Variants in EPHB6 observed in about 807,000 individuals in gnomAD.
EPHB6 encodes EPH receptor B6.
In EPHB6, 51 loss-of-function variants were observed where a neutral mutation model predicts 107.0. The ratio of observed to expected loss-of-function variants is 0.48; its 90% CI spans 0.38 to 0.60. The LOEUF (loss-of-function observed/expected upper bound fraction) is 0.60, where lower values mean the gene tolerates loss of function less well. Among genes scored for constraint, EPHB6 ranks in the 20% least tolerant of loss-of-function variants. The probability of loss-of-function intolerance (pLI) is 0.00; values close to 1 mark genes in which losing one functional copy is unlikely to be tolerated. For synonymous variants in EPHB6, 553 were observed against 549.0 expected, an observed-to-expected ratio of 1.01 and a Z score of -0.10; for missense variants, 1,141 against 1,355.5, an observed-to-expected ratio of 0.84 and a Z score of 2.48.
intron 7 of EPHB6, 120 bp downstream of exon 7, chr7:142,864,869 A>G: frequency 8.1e-7 from 1 of 1,232,822 alleles, no homozygotes; most frequent in Admixed American, 2.0e-5. Context: ...AAGCCATCTT[A>G]GGAAAGGACC....
At chr7:142,856,940 C>T (rs1802638242) in intron 1 of EPHB6, among the ~76,000 whole-genome samples, 1 of 152,246 alleles carries the variant, frequency 6.6e-6, no homozygotes, top group African/African-American at 2.4e-5. Context: ...AGACACACAT[C>T]CTCAGGCACT....
intron 1 of EPHB6, among the ~76,000 whole-genome samples, chr7:142,858,549 C>A (rs1229110635): frequency 6.8e-6 from 1 of 146,864 alleles, no homozygotes; most frequent in Non-Finnish European, 1.5e-5. Flanking sequence ...CATTCTCCTG[C>A]CTCAGCCTCC....
chr7:142,869,827 G>T lies in EPHB6; in HGVS notation c.2471G>T (p.Cys824Phe), dbSNP rs747349344. Residue 824 changes from cysteine (C) to phenylalanine (F), a missense_variant, in exon 17 of 20, where the codon TGT (cysteine) becomes TTT (phenylalanine). By Grantham distance (205) the Cys-to-Phe change is radical (BLOSUM62 -2). This residue lies in a region of EPHB6 where 616 missense variants were observed against 759.3 expected (regional missense o/e 0.81). Coordinates refer to ENST00000652003, the MANE Select transcript of EPHB6 (RefSeq NM_004445.6). This position sits in a 1 kb window ranked among gnomAD's most constrained non-coding sequence, Gnocchi z 4.5. ...GACTTTACCCCTCAGGGCCCAAGTT[G>T]TTTGCTTCGCTGGGCAGCCCCAGAG... is the stretch of plus-strand genomic sequence containing the variant. ...RLGHSPQGPSCLLRWAAPEVI... is the reference protein window; with the variant it reads ...RLGHSPQGPSFLLRWAAPEVI... 4.3e-6 allele frequency: 7 copies of T among 1,614,220 alleles called. No individual in the cohort carries two copies. The highest frequency in any genetic ancestry group is 3.3e-5 in the Admixed American group (2 of 60,032).
At position 142,864,283 on chromosome 7, in the gene EPHB6, C is replaced by G. The variant is rs765672490; in HGVS notation, c.483C>G (p.Asp161Glu). The stretch of plus-strand genomic sequence containing the variant: ...CCAAGGTGGACACAATTGCAGCAGA[C>G]GAGAGCTTTCCCTCCTCCTCCTCCT... Reference protein sequence around the residue: ...RWTKVDTIAADESFPSSSSSS... With the variant: ...RWTKVDTIAAEESFPSSSSSS... Residue 161 changes from aspartate to glutamate, a missense_variant, in exon 7 of 20, where the codon GAC (aspartate) becomes GAG (glutamate). By Grantham distance (45) the Asp-to-Glu change is conservative. Around this residue, in one of 3 missense-constraint regions of EPHB6, gnomAD observed 221 missense variants for 300.5 expected, o/e 0.74. Transcript: ENST00000652003. The G allele has an allele frequency of 6.2e-7, 1 of 1,603,842 alleles. No homozygotes were observed. Among genetic ancestry groups the G allele is most frequent in the Non-Finnish European group, 8.5e-7 (1 of 1,176,962 alleles).
Position 142,865,498 on chromosome 7 carries a change from G to T in EPHB6, c.973G>T (p.Ala325Ser), listed in dbSNP as rs8177146. The change falls in exon 8 of 20, where the codon GCT becomes TCT. Residue 325 changes from alanine (A) to serine (S), a missense_variant. Coordinates refer to ENST00000652003, the MANE Select transcript of EPHB6 (RefSeq NM_004445.6). ...AGCCTGCCCACGGGGGCTCTATAAG[G>T]CTTCTGCTGGGAATGCTCCCTGCTC... ...CQACPRGLYK[A>S]SAGNAPCSPC... The T allele has an allele frequency of 0.98, 1,573,399 of 1,613,094 alleles. 768,026 individuals carry two copies. Among genetic ancestry groups the T allele is most frequent in the East Asian group, 0.99 (44,393 of 44,814 alleles).
chr7:142,868,519 G>A lies in EPHB6; in HGVS notation c.2066G>A (p.Arg689His), dbSNP rs573851514. 2.9e-5 allele frequency: 46 copies of A among 1,613,826 alleles called. 1 individual carries two copies. Among genetic ancestry groups the A allele is most frequent in the South Asian group, 2.7e-4 (25 of 91,086 alleles). Residue 689 changes from arginine to histidine, a missense_variant, in exon 15 of 20, where the codon CGC becomes CAC. Arg to His is a conservative substitution (Grantham distance 29). Transcript: ENST00000652003. The surrounding 1 kb of genome is among the most constrained non-coding windows in gnomAD (Gnocchi z 4.2). The stretch of plus-strand genomic sequence containing the variant: ...TCTTTTGGAGAAGTGCGCCAGGGCC[G>A]CCTGCAGCCACGGGGACGGAGGGAG... ...TGSFGEVRQG[R>H]LQPRGRREQT...
rs773167081 is a variant in EPHB6 at position 142,866,267 on chromosome 7, C to T, written c.1413C>T (p.Ser471=). 3 of 1,613,922 alleles carry T rather than the reference C, an allele frequency of 1.9e-6. No homozygotes were observed. Among genetic ancestry groups the T allele is most frequent in the African/African-American group, 2.7e-5 (2 of 74,888 alleles). ...CTGTTAATGGGGTGTCTGAGCTCAG[C>T]CCTGACCCTCCTCAGGCTGCAGCCA... ...VQAVNGVSEL[S]PDPPQAAAIN... is the part of the protein sequence containing the mutation. The change falls in exon 9 of 20, where the codon AGC becomes AGT. Residue 471 remains serine, a synonymous_variant. Transcript: ENST00000652003. The surrounding 1 kb of genome is among the most constrained non-coding windows in gnomAD (Gnocchi z 5.2).
chr7:142,868,212 C>A lies in EPHB6; in HGVS notation c.1919-29C>A, dbSNP rs748435282. On this transcript the variant is annotated intron_variant, in intron 13 of 19. Coordinates refer to ENST00000652003, the MANE Select transcript of EPHB6 (RefSeq NM_004445.6). This position sits in a 1 kb window ranked among gnomAD's most constrained non-coding sequence, Gnocchi z 4.2. ...GCGGGCAGCCCTGCCTTTCACAACA[C>A]GCTCATAACATACTCCACACCCCTC... 29 of 1,613,972 alleles carry A rather than the reference C, an allele frequency of 1.8e-5. 3 individuals are homozygous for A. In the South Asian group the frequency reaches 3.2e-4, roughly 18 times the overall value.
Position 142,866,134 on chromosome 7 carries a change from G to A in EPHB6, c.1280G>A (p.Arg427His), listed in dbSNP as rs373254931. ...PASGGGGTCH[R>H]CRDEVHFDPR... ...AGCGGTGGTGGGGGCACTTGTCACC[G>A]CTGCAGGGATGAGGTCCACTTCGAC... The change falls in exon 9 of 20, where the codon CGC becomes CAC. Residue 427 changes from arginine (R) to histidine (H), a missense_variant. Physicochemically the swap from Arg to His is conservative, Grantham distance 29. Coordinates refer to ENST00000652003, the MANE Select transcript of EPHB6 (RefSeq NM_004445.6). The surrounding 1 kb of genome is among the most constrained non-coding windows in gnomAD (Gnocchi z 5.2). 3.2e-5 allele frequency: 51 copies of A among 1,613,644 alleles called. No homozygotes were observed. Among genetic ancestry groups the A allele is most frequent in the South Asian group, 8.8e-5 (8 of 91,012 alleles).
chr7:142,855,677 T>C lies in EPHB6; in HGVS notation c.-432+292T>C, dbSNP rs965527328. ...CCAGACATTCTCCTCTGGCTCTGGC[T>C]TGGGAGTCCTAATCTGGGAGGGTCC... On this transcript the variant is annotated intron_variant, in intron 1 of 19. Coordinates refer to ENST00000652003, the MANE Select transcript of EPHB6 (RefSeq NM_004445.6). This position sits in a 1 kb window ranked among gnomAD's most constrained non-coding sequence, Gnocchi z 4.2. Among the ~76,000 whole-genome samples, 2 of 152,156 alleles carry C rather than the reference T, an allele frequency of 1.3e-5. No individual in the cohort carries two copies. Among genetic ancestry groups the C allele is most frequent in the Non-Finnish European group, 2.9e-5 (2 of 67,998 alleles).
chr7:142,866,481 T>G lies in EPHB6; in HGVS notation c.1463T>G (p.Val488Gly), dbSNP rs760298098. 6.2e-7 allele frequency: 1 copy of G among 1,614,146 alleles called. No homozygotes were observed. Among genetic ancestry groups the G allele is most frequent in the Non-Finnish European group, 8.5e-7 (1 of 1,180,018 alleles). ...TAATAATTTTCCTTTTGCACTCTAG[T>G]GCCCTCTGCTGTCCCTGTGGTGCAC... The part of the protein sequence containing the change: ...AAINVSTSHE[V>G]PSAVPVVHQV... Residue 488 changes from valine to glycine, a missense_variant and splice_region_variant, in exon 10 of 20, where the codon GTG (valine) becomes GGG (glycine). Val to Gly is a moderately radical substitution (Grantham distance 109). Transcript: ENST00000652003. The surrounding 1 kb of genome is among the most constrained non-coding windows in gnomAD (Gnocchi z 5.2).
rs1802820168 is a variant in EPHB6 at position 142,861,099 on chromosome 7, G to C, written c.-384G>C. The stretch of plus-strand genomic sequence containing the variant: ...CCAATTCACAGACTTCTGAGACTCA[G>C]ACACGAGGAGAGATAGAGAACCGCC... On this transcript the variant is annotated 5_prime_UTR_variant, in exon 2 of 20. Coordinates refer to ENST00000652003, the MANE Select transcript of EPHB6 (RefSeq NM_004445.6). The C allele has an allele frequency of 6.6e-6, 1 of 152,014 alleles. No individual in the cohort carries two copies. Among genetic ancestry groups the C allele is most frequent in the Non-Finnish European group, 1.5e-5 (1 of 68,022 alleles). 9.4% of individuals were successfully genotyped at this position (152,014 alleles called of 1,614,324 possible).
chr7:142,855,956 C>T lies in EPHB6; in HGVS notation c.-432+571C>T, dbSNP rs144455158. ...ATTCTATTGCGTGCTCCTGCCCCAGCTCCACCCTCGCTCTGCTCCCTCCAT... is the reference window on the plus strand; with the variant it reads ...ATTCTATTGCGTGCTCCTGCCCCAGTTCCACCCTCGCTCTGCTCCCTCCAT... On this transcript the variant is annotated intron_variant, in intron 1 of 19. Coordinates refer to ENST00000652003, the MANE Select transcript of EPHB6 (RefSeq NM_004445.6). This position sits in a 1 kb window ranked among gnomAD's most constrained non-coding sequence, Gnocchi z 4.2. 6.6e-6 allele frequency among the ~76,000 whole-genome samples: 1 copy of T among 152,354 alleles called. No individual in the cohort carries two copies. The highest frequency in any genetic ancestry group is 1.9e-4 in the East Asian group (1 of 5,176).
Position 142,867,973 on chromosome 7 carries a change from C to T in EPHB6, c.1866-24C>T. Reference sequence around the variant, plus strand: ...AGGGGGTGGAAATGGGAGCGTCATCCCCAGTCACCGTTTTGTTCCTCAGGA... The same window carrying T: ...AGGGGGTGGAAATGGGAGCGTCATCTCCAGTCACCGTTTTGTTCCTCAGGA... On this transcript the variant is annotated intron_variant, in intron 12 of 19. Transcript: ENST00000652003. This position sits in a 1 kb window ranked among gnomAD's most constrained non-coding sequence, Gnocchi z 5.3. 6.4e-7 allele frequency: 1 copy of T among 1,561,408 alleles called. No homozygotes were observed. The highest frequency in any genetic ancestry group is 8.7e-7 in the Non-Finnish European group (1 of 1,153,096).
In EPHB6 at chr7:142,867,220, C is replaced by G. The variant is rs1032463769; in HGVS notation, c.1750+152C>G. 96 of 933,072 alleles carry G rather than the reference C, an allele frequency of 1.0e-4. No homozygotes were observed. Among genetic ancestry groups the G allele is most frequent in the Non-Finnish European group, 1.3e-4 (84 of 633,514 alleles). 57.8% of individuals were successfully genotyped at this position (933,072 alleles called of 1,614,324 possible). A position where few individuals can be genotyped will look rare whatever the true frequency, so the allele number is the denominator to read the frequency against. On this transcript the variant is annotated intron_variant, in intron 11 of 19. Transcript: ENST00000652003. The surrounding 1 kb of genome is among the most constrained non-coding windows in gnomAD (Gnocchi z 5.3). ...GAGTGCCTTTTGCTCAGCAGCTGAC[C>G]TAGGGGCTACTCGGGGAGGTGGGGA...
In EPHB6 at chr7:142,871,075, G is replaced by A. The variant is rs1794901185; in HGVS notation, c.*171G>A. On this transcript the variant is annotated 3_prime_UTR_variant, in exon 20 of 20. Coordinates refer to ENST00000652003, the MANE Select transcript of EPHB6 (RefSeq NM_004445.6). ...TCCACCAGCCCCCTCCTCATTAAAG[G>A]GAAAGAAGGGAATTTGCAGGTTTGG... 4.2e-6 allele frequency: 3 copies of A among 715,172 alleles called. No individual in the cohort carries two copies. Among genetic ancestry groups the A allele is most frequent in the African/African-American group, 1.7e-5 (1 of 57,216 alleles). 44.3% of individuals were successfully genotyped at this position (715,172 alleles called of 1,614,324 possible).
rs762322202 is a variant in EPHB6, at chr7:142,869,194, C to G, written c.2460+47C>G. ...CACAGCCTGGGGCCTTGTGGCATGC[C>G]CCAGCAGGTGCTGGGGTCGGGGGTG... On this transcript the variant is annotated intron_variant, in intron 16 of 19. Coordinates refer to ENST00000652003, the MANE Select transcript of EPHB6 (RefSeq NM_004445.6). This position sits in a 1 kb window ranked among gnomAD's most constrained non-coding sequence, Gnocchi z 4.5. 6.3e-7 allele frequency: 1 copy of G among 1,596,772 alleles called. No individual in the cohort carries two copies. The highest frequency in any genetic ancestry group is 8.5e-7 in the Non-Finnish European group (1 of 1,170,012).
intron 8 of EPHB6, 60 bp downstream of exon 8, chr7:142,865,690 G>A (rs1803120800): frequency 3.8e-6 from 6 of 1,593,890 alleles, no homozygotes; most frequent in South Asian, 1.1e-5. Flanking sequence ...CAGAAGTGGG[G>A]GTAGCAGGCA....
rs1586166294 is a variant in EPHB6, at chr7:142,866,376, C to G, written c.1462+60C>G. The G allele has an allele frequency of 2.5e-6, 4 of 1,611,816 alleles. No homozygotes were observed. In the Admixed American group the frequency reaches 6.7e-5, roughly 27 times the overall value. ...CCTCCGCTCCTTTGAGCCCCCTTCC[C>G]TACTCCTGATCTCCAGCCTGGTCCA... is the stretch of plus-strand genomic sequence containing the variant. On this transcript the variant is annotated intron_variant, in intron 9 of 19. Coordinates refer to ENST00000652003, the MANE Select transcript of EPHB6 (RefSeq NM_004445.6). This position sits in a 1 kb window ranked among gnomAD's most constrained non-coding sequence, Gnocchi z 5.2.
Sources: allele counts gnomAD v4.1 joint callset (sites outside exome capture counted in the v4.1 genomes callset), GRCh38; gene constraint gnomAD v4.1.1; regional missense constraint gnomAD v4.1.1; non-coding constraint Gnocchi (gnomAD v3.1); transcripts MANE v1.5; gene names NCBI Gene and HGNC (gene_info 2026-07-23, HGNC 2026-07-21).